DBH: variants seen among roughly 807,000 people sequenced by gnomAD.
DBH encodes dopamine beta-hydroxylase (dopamine beta-monooxygenase).
DBH carries 49 observed loss-of-function variants against 64.0 expected under a neutral mutation model. The ratio of observed to expected loss-of-function variants is 0.77; its 90% CI spans 0.61 to 0.97. The LOEUF is 0.97. Among genes scored for constraint, DBH ranks in the 50% least tolerant of loss-of-function variants. The pLI is 0.00. For synonymous variants in DBH, 343 were observed against 347.1 expected (o/e 0.99, Z 0.13); for missense variants, 828 against 826.6 (o/e 1.00, Z -0.02).
At chr9:133,648,904 T>C (rs1299471473) in intron 6 of DBH, among the ~76,000 whole-genome samples, 1 of 152,240 alleles carries the variant, frequency 6.6e-6, no homozygotes, top group African/African-American at 2.4e-5. Flanking sequence ...GAAACCATTT[T>C]CTCATGTAGA....
intron 5 of DBH, among the ~76,000 whole-genome samples, chr9:133,645,884 T>C (rs1832175448): frequency 6.6e-6 from 1 of 152,186 alleles, no homozygotes; most frequent in Admixed American, 6.5e-5. Context: ...ATTCTCACTG[T>C]GCAAAACTTC....
At position 133,658,416 on chromosome 9, in the gene DBH, C is replaced by T. The variant is rs200009180; in HGVS notation, c.1823C>T (p.Thr608Ile). Residue 608 changes from threonine to isoleucine, a missense_variant, in exon 12 of 12, where the codon ACC becomes ATC. By Grantham distance (89) the Thr-to-Ile change is moderately conservative. Transcript: ENST00000393056. Reference protein sequence around the residue: ...TSQGRSPAGPTVVSIGGGKG With the variant: ...TSQGRSPAGPIVVSIGGGKG The stretch of plus-strand genomic sequence containing the variant: ...CAGGGCCGAAGCCCTGCTGGCCCCA[C>T]CGTTGTCAGCATTGGTGGGGGCAAA... 3.1e-6 allele frequency: 5 copies of T among 1,613,126 alleles called. No individual in the cohort carries two copies. In the African/African-American group the frequency reaches 6.7e-5, roughly 21 times the overall value.
chr9:133,636,733 C>T, intron 1 of DBH, 23 bp downstream of exon 1: 1 of 1,591,112 alleles, frequency 6.3e-7, no homozygotes, highest in Non-Finnish European at 8.5e-7. Flanking sequence ...TCCCTGCCAG[C>T]TCTCCAAACC....
chr9:133,647,760 T>C, intron 5 of DBH, 86 bp from the exon 6 acceptor site: 5 of 1,540,474 alleles, frequency 3.2e-6, no homozygotes, highest in Non-Finnish European at 4.5e-6. Context: ...TGAGGGTGGC[T>C]GGGGTCATAG....
chr9:133,640,055 G>C, intron 2 of DBH, 63 bp downstream of exon 2: 2 of 1,596,648 alleles, frequency 1.3e-6, no homozygotes, highest in South Asian at 2.2e-5. Context: ...GCCATCCTGT[G>C]CCAATGTCAT....
intron 11 of DBH, among the ~76,000 whole-genome samples, chr9:133,657,529 A>G (rs1256845586): frequency 6.6e-6 from 1 of 151,796 alleles, no homozygotes; most frequent in Non-Finnish European, 1.5e-5. Flanking sequence ...GGAGAGAGAG[A>G]GAACCAATAA....
At position 133,641,504 on chromosome 9, in the gene DBH, G is replaced by A. The variant is rs539785923; in HGVS notation, c.487-703G>A. Among the ~76,000 whole-genome samples the A allele has an allele frequency of 4.6e-5, 7 of 152,294 alleles. No individual in the cohort carries two copies. In the East Asian group the frequency reaches 9.7e-4, roughly 21 times the overall value. ...GCACAGGGCGGCCCATCGGCTTTCC[G>A]CAAACTCAAAGAGCAAATTAGCCAC... On this transcript the variant is annotated intron_variant, in intron 2 of 11. Coordinates refer to ENST00000393056, the MANE Select transcript of DBH (RefSeq NM_000787.4).
chr9:133,656,053 C>A, intron 9 of DBH: 1 of 252,496 alleles, frequency 4.0e-6, no homozygotes, highest in Non-Finnish European at 7.8e-6. Flanking sequence ...GACTGGTGGA[C>A]GGTGCGGGGC....
rs139770732 is a variant in DBH, at chr9:133,638,167, C to T, written c.339+1457C>T. On this transcript the variant is annotated intron_variant, in intron 1 of 11. Transcript: ENST00000393056. ...GGTTAATTTGCACAACAAATTCCTA[C>T]GAAAGCAAATGTCAGCCTTATTATT... Among the ~76,000 whole-genome samples the T allele has an allele frequency of 3.3e-5, 5 of 152,354 alleles. No individual in the cohort carries two copies. The East Asian group carries it at 9.6e-4, about 29-fold the overall frequency.
At chr9:133,640,674 G>A (rs1832107611) in intron 2 of DBH, among the ~76,000 whole-genome samples, 5 of 152,254 alleles carry the variant, frequency 3.3e-5, no homozygotes, top group Admixed American at 2.0e-4. Flanking sequence ...GCAGTGGCCT[G>A]GGCTGGCCGT....
At chr9:133,645,913 T>G (rs763530104) in intron 5 of DBH, among the ~76,000 whole-genome samples, 4 of 152,220 alleles carry the variant, frequency 2.6e-5, no homozygotes, top group African/African-American at 9.7e-5. Context: ...GGGTAGGTTA[T>G]GCTTAGAGCA....
At chr9:133,636,961 A>G (rs971345940) in intron 1 of DBH, among the ~76,000 whole-genome samples, 3 of 152,084 alleles carry the variant, frequency 2.0e-5, no homozygotes, top group African/African-American at 7.2e-5. Flanking sequence ...GGACCCAGTA[A>G]TCCCAAGGAA....
In DBH at chr9:133,657,248, G is replaced by T. The variant is rs76052418; in HGVS notation, c.1722+19G>T. ...CTTCCAGGTGCGCTGCCATGGGCCC[G>T]GGTGGGGCATGCAGTCAGGCAGGCC... On this transcript the variant is annotated intron_variant, in intron 11 of 11. Coordinates refer to ENST00000393056, the MANE Select transcript of DBH (RefSeq NM_000787.4). The T allele has an allele frequency of 2.5e-6, 4 of 1,613,088 alleles. No individual in the cohort carries two copies. In the South Asian group the frequency reaches 4.4e-5, roughly 18 times the overall value.
chr9:133,643,897 C>T lies in DBH; in HGVS notation c.921+308C>T, dbSNP rs556768174. Among the ~76,000 whole-genome samples, 1 of 152,246 alleles carries T rather than the reference C, an allele frequency of 6.6e-6. No homozygotes were observed. Among genetic ancestry groups the T allele is most frequent in the Admixed American group, 6.5e-5 (1 of 15,304 alleles). The stretch of plus-strand genomic sequence containing the variant: ...TACAGGTGGTCCCAGGGCTGGCTGG[C>T]GGTGGGGCCAGTGTTGAGGCCTCCA... On this transcript the variant is annotated intron_variant, in intron 4 of 11. Coordinates refer to ENST00000393056, the MANE Select transcript of DBH (RefSeq NM_000787.4). This position sits in a 1 kb window ranked among gnomAD's most constrained non-coding sequence, Gnocchi z 5.3.
chr9:133,658,490 G>A lies in DBH; in HGVS notation c.*43G>A. 6.4e-7 allele frequency: 1 copy of A among 1,564,550 alleles called. No individual in the cohort carries two copies. The highest frequency in any genetic ancestry group is 8.7e-7 in the Non-Finnish European group (1 of 1,154,038). ...CCCCTCCTCCATGCTGTCCCTGTGG[G>A]CTCACACCGGCACTGTGCACTCTAC... On this transcript the variant is annotated 3_prime_UTR_variant, in exon 12 of 12. Transcript: ENST00000393056.
At chr9:133,639,623 A>G (rs1341217006) in intron 1 of DBH, among the ~76,000 whole-genome samples, 1 of 152,146 alleles carries the variant, frequency 6.6e-6, no homozygotes, top group African/African-American at 2.4e-5. Flanking sequence ...AACCAACTCC[A>G]CTGTCGGGGC....
chr9:133,636,788 C>A, intron 1 of DBH, 78 bp downstream of exon 1: 1 of 1,322,458 alleles, frequency 7.6e-7, no homozygotes, highest in Non-Finnish European at 1.1e-6. Context: ...TGCACTCACC[C>A]TCCTTAACCC....
intron 6 of DBH, among the ~76,000 whole-genome samples, chr9:133,650,263 T>G (rs1233468628): frequency 6.6e-6 from 1 of 152,082 alleles, no homozygotes; most frequent in East Asian, 1.9e-4. Context: ...AAGTGAGTCC[T>G]AAAAAGCTCG....
rs922760750 is a variant in DBH, at chr9:133,656,648, C to T, written c.1560C>T (p.Asn520=). The change falls in exon 10 of 12, where the codon AAC becomes AAT. Residue 520 remains asparagine (N), a splice_region_variant and synonymous_variant. Transcript: ENST00000393056. ...TGCAGAAGTACTTCCACCTCATCAA[C>T]AGGTGAGGGCTCCCTGCACAAGCTC... ...GFLQKYFHLI[N]RFNNEDVCTC... The T allele has an allele frequency of 4.3e-6, 7 of 1,612,016 alleles. No homozygotes were observed. The highest frequency in any genetic ancestry group is 5.9e-6 in the Non-Finnish European group (7 of 1,179,986).
Sources: gnomAD v4.1 joint callset for allele counts (sites outside exome capture counted in the v4.1 genomes callset) on GRCh38, gnomAD v4.1.1 for gene constraint, Gnocchi (gnomAD v3.1) non-coding constraint, MANE v1.5 for transcripts, NCBI Gene and HGNC (gene_info 2026-07-23, HGNC 2026-07-21) for gene names.